The following RASA1 variants were observed in gnomAD, a reference collection of about 807,000 sequenced individuals.
RASA1 encodes the protein ras GTPase-activating protein 1.
In RASA1, 25 loss-of-function variants were observed where a neutral mutation model predicts 132.2. That is an observed-to-expected ratio of 0.19 (90% CI 0.14 to 0.26). The LOEUF (loss-of-function observed/expected upper bound fraction) is 0.26. Among genes scored for constraint, RASA1 ranks in the 10% least tolerant of loss-of-function variants. RASA1 has a pLI of 1.00. For missense variants in RASA1, 964 were observed against 1,299.2 expected (o/e 0.74, Z 3.97); for synonymous variants, 477 against 449.9 (o/e 1.06, Z -0.76).
Position 87,381,221 on chromosome 5 carries a change from G to T in RASA1, c.2690+626G>T, listed in dbSNP as rs886096409. ...AACTTATTTTTCCAATGAAGAAGCA[G>T]ATCTGTCTGGAGAGGTTAAGTTGAA... On this transcript the variant is annotated intron_variant, in intron 20 of 24. Coordinates refer to ENST00000274376, the MANE Select transcript of RASA1 (RefSeq NM_002890.3). Among the ~76,000 whole-genome samples, 6 of 152,168 alleles carry T rather than the reference G, an allele frequency of 3.9e-5. No individual in the cohort carries two copies. The East Asian group carries it at 9.6e-4, about 24-fold the overall frequency.
At chr5:87,383,473 T>G (rs1395096987) in intron 20 of RASA1, among the ~76,000 whole-genome samples, 1 of 152,112 alleles carries the variant, frequency 6.6e-6, no homozygotes, top group Non-Finnish European at 1.5e-5. Flanking sequence ...TTAATCCACA[T>G]TCTAAATTGG....
intron 9 of RASA1, among the ~76,000 whole-genome samples, chr5:87,357,782 T>A (rs1759763695): frequency 6.6e-6 from 1 of 152,202 alleles, no homozygotes; most frequent in Non-Finnish European, 1.5e-5. Context: ...TAAGAATTAC[T>A]TGAGATATGT....
At chr5:87,311,864 A>C in intron 1 of RASA1, among the ~76,000 whole-genome samples, 1 of 152,256 alleles carries the variant, frequency 6.6e-6, no homozygotes, top group Non-Finnish European at 1.5e-5. Context: ...GAAGGCTTTC[A>C]GTAAACAAAG....
intron 1 of RASA1, among the ~76,000 whole-genome samples, chr5:87,292,789 T>C (rs1219134004): frequency 6.6e-6 from 1 of 152,194 alleles, no homozygotes; most frequent in Non-Finnish European, 1.5e-5. Flanking sequence ...TTGGAGTATC[T>C]CTGCATTTAT....
rs560153412 is a variant in RASA1 at position 87,352,613 on chromosome 5, C to CT, written c.1254-540dup. On this transcript the variant is annotated intron_variant, in intron 8 of 24. Coordinates refer to ENST00000274376, the MANE Select transcript of RASA1 (RefSeq NM_002890.3). ...TAGCACTTTTAATCAAAATAATAAGCTTTTCTCCCTATAGTGATAATCCTA... is the reference window on the plus strand; with the variant it reads ...TAGCACTTTTAATCAAAATAATAAGCTTTTTCTCCCTATAGTGATAATCCTA... Among the ~76,000 whole-genome samples, 461 of 151,774 alleles carry CT rather than the reference C, an allele frequency of 3.0e-3. 3 individuals carry two copies. Among genetic ancestry groups the CT allele is most frequent in the African/African-American group, 0.011 (446 of 41,462 alleles).
chr5:87,369,701 T>C (rs564376030), intron 11 of RASA1, 112 bp from the exon 12 acceptor site: 69 of 762,816 alleles, frequency 9.0e-5, no homozygotes, highest in Admixed American at 2.3e-4. Flanking sequence ...TATTATTTCT[T>C]TAAGAATTAT....
rs565295649 is a variant in RASA1, at chr5:87,309,879, A to G, written c.540-21469A>G. Among the ~76,000 whole-genome samples, 4 of 152,204 alleles carry G rather than the reference A, an allele frequency of 2.6e-5. No homozygotes were observed. In the East Asian group the frequency reaches 7.7e-4, roughly 29 times the overall value. ...TTCCAAGCATCTTACTGAATGTTGT[A>G]TCAGTATTTGTTGAATATTTTTTGT... is the stretch of plus-strand genomic sequence containing the variant. On this transcript the variant is annotated intron_variant, in intron 1 of 24. Coordinates refer to ENST00000274376, the MANE Select transcript of RASA1 (RefSeq NM_002890.3).
intron 24 of RASA1, 41 bp from the exon 25 acceptor site, chr5:87,390,759 C>G: frequency 6.5e-7 from 1 of 1,537,170 alleles, no homozygotes; most frequent in Non-Finnish European, 9.0e-7. Flanking sequence ...AATTGCTGAC[C>G]GAGCTTTCAT....
At chr5:87,351,725 A>C (rs1580331390) in intron 8 of RASA1, among the ~76,000 whole-genome samples, 1 of 151,846 alleles carries the variant, frequency 6.6e-6, no homozygotes, top group East Asian at 1.9e-4. Context: ...TATAAATGGA[A>C]GAGTAATTTT....
At chr5:87,322,897 TTAA>T (rs1756934184) in intron 1 of RASA1, among the ~76,000 whole-genome samples, 1 of 152,218 alleles carries the variant, frequency 6.6e-6, no homozygotes, top group Non-Finnish European at 1.5e-5. Flanking sequence ...GCTGGTGTTA[TTAA>T]TAAAGAGGAA....
intron 9 of RASA1, among the ~76,000 whole-genome samples, chr5:87,358,117 A>AAG (rs1759792802): frequency 6.6e-6 from 1 of 152,142 alleles, no homozygotes; most frequent in African/African-American, 2.4e-5. Flanking sequence ...CTCATCTTCC[A>AAG]ATGAGGTGAC....
chr5:87,321,388 G>C (rs761806262), intron 1 of RASA1, among the ~76,000 whole-genome samples: 44 of 152,188 alleles, frequency 2.9e-4, no homozygotes, highest in Non-Finnish European at 8.8e-5. Context: ...CCTAGAGATA[G>C]TGTCAGATTC....
intron 13 of RASA1, among the ~76,000 whole-genome samples, chr5:87,372,538 C>T (rs1187378962): frequency 6.6e-6 from 1 of 152,122 alleles, no homozygotes. Context: ...AGATTTATAG[C>T]ACTAATCCCA....
intron 3 of RASA1, 45 bp from the exon 4 acceptor site, chr5:87,333,222 T>TA (rs1488052130): frequency 6.2e-7 from 1 of 1,604,006 alleles, no homozygotes; most frequent in East Asian, 2.2e-5. Context: ...GACTTTAAGA[T>TA]AAAAAGACTA....
At chr5:87,270,897 T>C (rs1753801856) in intron 1 of RASA1, among the ~76,000 whole-genome samples, 1 of 152,110 alleles carries the variant, frequency 6.6e-6, no homozygotes, top group South Asian at 2.1e-4. Context: ...TTGGTTCATA[T>C]TTTAATGTCT....
intron 6 of RASA1, among the ~76,000 whole-genome samples, chr5:87,342,118 C>T (rs1180289646): frequency 1.3e-5 from 2 of 151,352 alleles, no homozygotes; most frequent in Non-Finnish European, 2.9e-5. Context: ...GAAGTCTCCT[C>T]TCTACCTATA....
intron 4 of RASA1, 151 bp downstream of exon 4, chr5:87,333,488 C>T (rs1757743239): frequency 1.6e-6 from 2 of 1,283,440 alleles, no homozygotes; most frequent in South Asian, 3.1e-5. Flanking sequence ...GGTCCTGTAT[C>T]TCTGGGTTGG....
At chr5:87,360,157 T>G (rs1759971684) in intron 9 of RASA1, among the ~76,000 whole-genome samples, 1 of 148,560 alleles carries the variant, frequency 6.7e-6, no homozygotes, top group Admixed American at 6.8e-5. Flanking sequence ...GGAATTTCGC[T>G]CTTTTTTGCT....
rs145568735 is a variant in RASA1, at chr5:87,325,408, A to G, written c.540-5940A>G. On this transcript the variant is annotated intron_variant, in intron 1 of 24. Coordinates refer to ENST00000274376, the MANE Select transcript of RASA1 (RefSeq NM_002890.3). ...TACAAATAAATATGGGAGCTTAAGA[A>G]GATTTTTATGTTTTAGCAAATGCAT... Among the ~76,000 whole-genome samples the G allele has an allele frequency of 5.1e-3, 775 of 152,360 alleles. 10 individuals carry two copies. Among genetic ancestry groups the G allele is most frequent in the African/African-American group, 0.018 (739 of 41,588 alleles).
Sources: gnomAD v4.1 joint callset for allele counts (sites outside exome capture counted in the v4.1 genomes callset) on GRCh38, gnomAD v4.1.1 for gene constraint, MANE v1.5 for transcripts, NCBI Gene and HGNC (gene_info 2026-07-23, HGNC 2026-07-21) for gene names.